The following FERMT3 variants were observed in gnomAD, a reference collection of about 807,000 sequenced individuals.
FERMT3 encodes FERM domain containing kindlin 3.
Under a neutral mutation model 80.8 loss-of-function variants are expected in FERMT3, and 33 were observed. The ratio of observed to expected loss-of-function variants is 0.41; its 90% CI spans 0.31 to 0.55. FERMT3 has a LOEUF of 0.55. Ranked by LOEUF, FERMT3 falls within the 20% of genes least tolerant of loss-of-function variation. The pLI is 0.31. For synonymous variants in FERMT3, 375 were observed against 372.2 expected (o/e 1.01, Z -0.09); for missense variants, 754 against 908.7 (o/e 0.83, Z 2.19).
In FERMT3 at chr11:64,218,000, C is replaced by CTTTTTTTT. The variant is rs34718711; in HGVS notation, c.787-1237_787-1230dup. Among the ~76,000 whole-genome samples the CTTTTTTTT allele has an allele frequency of 1.8e-4, 22 of 119,504 alleles. 1 individual carries two copies. Among genetic ancestry groups the CTTTTTTTT allele is most frequent in the East Asian group, 2.4e-4 (1 of 4,160 alleles). 78.4% of individuals were successfully genotyped at this position (119,504 alleles called of 152,430 possible). A position where few individuals can be genotyped will look rare whatever the true frequency, so the allele number is the denominator to read the frequency against. On this transcript the variant is annotated intron_variant, in intron 6 of 14. Coordinates refer to ENST00000345728, the MANE Select transcript of FERMT3 (RefSeq NM_031471.6). ...CATCTTCCAAATTATTTCCTTTTTCCTTTTTTTTTTTTTTTTTTTTTGTGA... is the reference window on the plus strand; with the variant it reads ...CATCTTCCAAATTATTTCCTTTTTCCTTTTTTTTTTTTTTTTTTTTTTTTTTTTTGTGA...
At chr11:64,220,784 C>T in intron 12 of FERMT3, 115 bp downstream of exon 12, 1 of 1,274,536 alleles carries the variant, frequency 7.8e-7, no homozygotes, top group South Asian at 1.3e-5. Flanking sequence ...GCTTCTCCCA[C>T]TGTGTCCCTG....
chr11:64,223,809 T>G lies in FERMT3; in HGVS notation c.*317T>G, dbSNP rs1467798252. 1 of 1,165,034 alleles carries G rather than the reference T, an allele frequency of 8.6e-7. No homozygotes were observed. The allele number at this position is 1,165,034 out of a possible 1,614,324, so 72.2% of individuals were successfully genotyped here. On this transcript the variant is annotated 3_prime_UTR_variant, in exon 15 of 15. Transcript: ENST00000345728. ...AAGACCAGATGTAGCTACAGGATGA[T>G]GAAACATGGTTTCAAACGAGTTCTT...
In FERMT3 at chr11:64,223,494, G is replaced by A. The variant is rs1352458607; in HGVS notation, c.*2G>A. ...ACCGGGGGCCATGAGGCCTTCTGAG[G>A]GCTGTCTGATTGCCCCTGCCCTGCT... On this transcript the variant is annotated 3_prime_UTR_variant, in exon 15 of 15. Coordinates refer to ENST00000345728, the MANE Select transcript of FERMT3 (RefSeq NM_031471.6). 6.9e-6 allele frequency: 11 copies of A among 1,604,580 alleles called. No homozygotes were observed. Among genetic ancestry groups the A allele is most frequent in the Middle Eastern group, 1.7e-4 (1 of 6,030 alleles).
rs1402214027 is a variant in FERMT3, at chr11:64,219,434, G to T, written c.894+76G>T. The T allele has an allele frequency of 6.4e-7, 1 of 1,558,902 alleles. No individual in the cohort carries two copies. The highest frequency in any genetic ancestry group is 8.7e-7 in the Non-Finnish European group (1 of 1,151,788). On this transcript the variant is annotated intron_variant, in intron 7 of 14. Coordinates refer to ENST00000345728, the MANE Select transcript of FERMT3 (RefSeq NM_031471.6). This position sits in a 1 kb window ranked among gnomAD's most constrained non-coding sequence, Gnocchi z 4.0. ...CAGGGCAGGAAGGGCCTTCCTGAGT[G>T]GGGGCTACCTCCAGGGAAGCCCGGC...
At position 64,210,874 on chromosome 11, in the gene FERMT3, A is replaced by G. The variant is rs200254812; in HGVS notation, c.394+30A>G. ...GTTGCCCGGCTGATTCCCCTGGCCC[A>G]CGAGGGTGATGCAAAGAGGCAGGTT... On this transcript the variant is annotated intron_variant, in intron 3 of 14. Coordinates refer to ENST00000345728, the MANE Select transcript of FERMT3 (RefSeq NM_031471.6). The surrounding 1 kb of genome is among the most constrained non-coding windows in gnomAD (Gnocchi z 4.3). The G allele has an allele frequency of 2.6e-4, 423 of 1,609,446 alleles. No individual in the cohort carries two copies. The highest frequency in any genetic ancestry group is 3.4e-4 in the Non-Finnish European group (402 of 1,179,578).
chr11:64,207,822 A>G (rs2134829784), intron 2 of FERMT3: 1 of 329,814 alleles, frequency 3.0e-6, no homozygotes, highest in East Asian at 6.6e-5. Flanking sequence ...CCGAGGCTGA[A>G]GTCACATTGC....
At position 64,223,134 on chromosome 11, in the gene FERMT3, A is replaced by G; in HGVS notation, c.1757A>G (p.Lys586Arg). The change falls in exon 14 of 15, where the codon AAG becomes AGG. Residue 586 changes from lysine (K) to arginine (R), a missense_variant. Coordinates refer to ENST00000345728, the MANE Select transcript of FERMT3 (RefSeq NM_031471.6). ...RIDLAVGDVV[K>R]TWRFSNMRQW... is the part of the protein sequence containing the mutation. ...GACTTGGCCGTGGGCGACGTGGTCAAGACCTGGCGTTTCAGCAACATGCGC... is the reference window on the plus strand; with the variant it reads ...GACTTGGCCGTGGGCGACGTGGTCAGGACCTGGCGTTTCAGCAACATGCGC... 1 of 1,613,986 alleles carries G rather than the reference A, an allele frequency of 6.2e-7. No homozygotes were observed. The highest frequency in any genetic ancestry group is 1.3e-5 in the African/African-American group (1 of 75,070).
Position 64,210,965 on chromosome 11 carries a change from G to C in FERMT3, c.395-87G>C. On this transcript the variant is annotated intron_variant, in intron 3 of 14. Transcript: ENST00000345728. This position sits in a 1 kb window ranked among gnomAD's most constrained non-coding sequence, Gnocchi z 4.3. ...TGTCTGGGTTGCCACCCTGCCTGCA[G>C]GGCTGTGACCCGCCCCAAGCACCCA... The C allele has an allele frequency of 6.2e-7, 1 of 1,607,342 alleles. No individual in the cohort carries two copies. Among genetic ancestry groups the C allele is most frequent in the Non-Finnish European group, 8.5e-7 (1 of 1,177,174 alleles).
chr11:64,206,414 CAT>C (rs1335453425), upstream of FERMT3, among the ~76,000 whole-genome samples: 4 of 152,244 alleles, frequency 2.6e-5, no homozygotes, highest in African/African-American at 9.6e-5. Context: ...GTCCCCACCT[CAT>C]GTGACAGGCT....
chr11:64,207,789 C>T lies in FERMT3; in HGVS notation c.160+265C>T, dbSNP rs556464027. Reference sequence around the variant, plus strand: ...TCCTCCATTCAGCCACCAATAGGGGCAGAAGGAGTGGTCTTGTCTGGGCCG... The same window carrying T: ...TCCTCCATTCAGCCACCAATAGGGGTAGAAGGAGTGGTCTTGTCTGGGCCG... On this transcript the variant is annotated intron_variant, in intron 2 of 14. Coordinates refer to ENST00000345728, the MANE Select transcript of FERMT3 (RefSeq NM_031471.6). 8.8e-6 allele frequency: 4 copies of T among 452,712 alleles called. No individual in the cohort carries two copies. In the South Asian group the frequency reaches 1.0e-4, roughly 12 times the overall value. The allele number at this position is 452,712 out of a possible 1,614,324, so 28.0% of individuals were successfully genotyped here. A position where few individuals can be genotyped will look rare whatever the true frequency, so the allele number is the denominator to read the frequency against.
chr11:64,221,527 A>T (rs1946680813), intron 13 of FERMT3, among the ~76,000 whole-genome samples: 1 of 152,182 alleles, frequency 6.6e-6, no homozygotes, highest in Non-Finnish European at 1.5e-5. Context: ...GCTACTCAGG[A>T]GGCTGAGGTG....
Position 64,223,387 on chromosome 11 carries a change from G to C in FERMT3, c.1887G>C (p.Glu629Asp). ...CVSASCRIVH[E>D]YIGGYIFLST... ...CTGCCAGCTGCCGAATTGTACACGA[G>C]TATATCGGGGGCTACATTTTCCTGT... Residue 629 changes from glutamate (E) to aspartate (D), a missense_variant, in exon 15 of 15, where the codon GAG becomes GAC. Physicochemically the swap from Glu to Asp is conservative, Grantham distance 45. Coordinates refer to ENST00000345728, the MANE Select transcript of FERMT3 (RefSeq NM_031471.6). 1 of 1,614,012 alleles carries C rather than the reference G, an allele frequency of 6.2e-7. No individual in the cohort carries two copies. Among genetic ancestry groups the C allele is most frequent in the Non-Finnish European group, 8.5e-7 (1 of 1,180,052 alleles).
Position 64,211,291 on chromosome 11 carries a change from G to A in FERMT3, c.531G>A (p.Leu177=), listed in dbSNP as rs1397774460. 1.9e-6 allele frequency: 3 copies of A among 1,613,450 alleles called. No individual in the cohort carries two copies. The highest frequency in any genetic ancestry group is 2.5e-6 in the Non-Finnish European group (3 of 1,179,858). ...VVLAGGVAPA[L]FRGMPAHFSD... is the part of the protein sequence containing the mutation. ...GCACTCCAGGCGTGGCACCTGCACT[G>A]TTCCGGGGGATGCCAGCTCACTTCT... The change falls in exon 5 of 15, where the codon CTG becomes CTA. Residue 177 remains leucine, a synonymous_variant. Transcript: ENST00000345728. The surrounding 1 kb of genome is among the most constrained non-coding windows in gnomAD (Gnocchi z 4.7).
At chr11:64,213,221 G>T (rs187576044) in intron 6 of FERMT3, among the ~76,000 whole-genome samples, 6 of 152,086 alleles carry the variant, frequency 3.9e-5, no homozygotes, top group African/African-American at 1.4e-4. Context: ...TAGAGATGGA[G>T]TTTCACCATA....
chr11:64,211,183 TG>T lies in FERMT3; in HGVS notation c.514+17del. ...TGTCTTGGCTGGGGGTGAGTGCAAG[TG>T]GGGGTGGGCCTGGGGGGTTGGGGGC... On this transcript the variant is annotated intron_variant, in intron 4 of 14. Coordinates refer to ENST00000345728, the MANE Select transcript of FERMT3 (RefSeq NM_031471.6). This position sits in a 1 kb window ranked among gnomAD's most constrained non-coding sequence, Gnocchi z 4.7. The T allele has an allele frequency of 5.7e-6, 1 of 175,026 alleles. No individual in the cohort carries two copies. The highest frequency in any genetic ancestry group is 7.4e-6 in the Non-Finnish European group (1 of 135,060). 10.8% of individuals were successfully genotyped at this position (175,026 alleles called of 1,614,324 possible).
In FERMT3 at chr11:64,207,523, C is replaced by G. The variant is rs142815441; in HGVS notation, c.159C>G (p.Ile53Met). 4,990 of 1,602,188 alleles carry G rather than the reference C, an allele frequency of 3.1e-3. 11 individuals carry two copies. Among genetic ancestry groups the G allele is most frequent in the Non-Finnish European group, 3.9e-3 (4,617 of 1,171,690 alleles). ...TGCTCCTGAAGATTGTGGAGCAGAT[C>G]AGTGAGTGTCCGCTGCCCGCTTGCT... The part of the protein sequence containing the change: ...GGVLLKIVEQ[I>M]NRKQDWSDHA... Residue 53 changes from isoleucine (I) to methionine (M), a missense_variant and splice_region_variant, in exon 2 of 15, where the codon ATC becomes ATG. Physicochemically the swap from Ile to Met is conservative, Grantham distance 10. Coordinates refer to ENST00000345728, the MANE Select transcript of FERMT3 (RefSeq NM_031471.6).
chr11:64,219,080 G>T lies in FERMT3; in HGVS notation c.787-171G>T, dbSNP rs372856768. The stretch of plus-strand genomic sequence containing the variant: ...GGCCTGGGCAGCAGGGGGCTAGCAG[G>T]CTATTAAGGATGGGGTTGAGGTCTG... On this transcript the variant is annotated intron_variant, in intron 6 of 14. Coordinates refer to ENST00000345728, the MANE Select transcript of FERMT3 (RefSeq NM_031471.6). The surrounding 1 kb of genome is among the most constrained non-coding windows in gnomAD (Gnocchi z 4.0). Among the ~76,000 whole-genome samples, 67 of 152,332 alleles carry T rather than the reference G, an allele frequency of 4.4e-4. No homozygotes were observed. Among genetic ancestry groups the T allele is most frequent in the Middle Eastern group, 3.4e-3 (1 of 294 alleles).
Position 64,210,867 on chromosome 11 carries a change from C to T in FERMT3, c.394+23C>T, listed in dbSNP as rs1447280964. On this transcript the variant is annotated intron_variant, in intron 3 of 14. Transcript: ENST00000345728. The surrounding 1 kb of genome is among the most constrained non-coding windows in gnomAD (Gnocchi z 4.3). Reference sequence around the variant, plus strand: ...TCAGTAAGTTGCCCGGCTGATTCCCCTGGCCCACGAGGGTGATGCAAAGAG... The same window carrying T: ...TCAGTAAGTTGCCCGGCTGATTCCCTTGGCCCACGAGGGTGATGCAAAGAG... 1 of 1,610,026 alleles carries T rather than the reference C, an allele frequency of 6.2e-7. No individual in the cohort carries two copies. Among genetic ancestry groups the T allele is most frequent in the East Asian group, 2.2e-5 (1 of 44,870 alleles).
Position 64,211,889 on chromosome 11 carries a change from C to A in FERMT3, c.786+142C>A. On this transcript the variant is annotated intron_variant, in intron 6 of 14. Transcript: ENST00000345728. The surrounding 1 kb of genome is among the most constrained non-coding windows in gnomAD (Gnocchi z 4.7). Reference sequence around the variant, plus strand: ...GTCCATCCACACCTTTGTTTACTGACCCCACAAACACCCACTGAAACTCAT... The same window carrying A: ...GTCCATCCACACCTTTGTTTACTGAACCCACAAACACCCACTGAAACTCAT... The A allele has an allele frequency of 1.2e-6, 1 of 807,082 alleles. No individual in the cohort carries two copies. Among genetic ancestry groups the A allele is most frequent in the Admixed American group, 2.0e-5 (1 of 48,900 alleles). The allele number at this position is 807,082 out of a possible 1,614,324, so 50.0% of individuals were successfully genotyped here. A position where few individuals can be genotyped will look rare whatever the true frequency, so the allele number is the denominator to read the frequency against.
Sources: gnomAD v4.1 joint callset for allele counts (sites outside exome capture counted in the v4.1 genomes callset) on GRCh38, gnomAD v4.1.1 for gene constraint, Gnocchi (gnomAD v3.1) non-coding constraint, MANE v1.5 for transcripts, NCBI Gene and HGNC (gene_info 2026-07-23, HGNC 2026-07-21) for gene names.